Variants in GABRA3 observed in about 807,000 individuals in gnomAD.
GABRA3 encodes gamma-aminobutyric acid receptor subunit alpha-3.
GABRA3 carries 10 observed loss-of-function variants against 30.1 expected under a neutral mutation model. The ratio of observed to expected loss-of-function variants is 0.33; its 90% CI spans 0.20 to 0.56. The LOEUF (loss-of-function observed/expected upper bound fraction) is 0.56, where lower values mean the gene tolerates loss of function less well. GABRA3 is among the 20% of genes least tolerant of loss of function. The probability of loss-of-function intolerance (pLI) is 0.89; values close to 1 mark genes in which losing one functional copy is unlikely to be tolerated. For synonymous variants in GABRA3, 151 were observed against 146.8 expected (o/e 1.03, Z -0.21); for missense variants, 233 against 392.0 (o/e 0.59, Z 3.42).
chrX:152,291,500 T>C (rs1001970874), intron 3 of GABRA3, among the ~76,000 whole-genome samples: 1 of 111,776 alleles, frequency 8.9e-6, no homozygotes, highest in Non-Finnish European at 1.9e-5. Flanking sequence ...GAATACCCTT[T>C]ATTTATTTCT....
chrX:152,273,516 A>G (rs1024095295), intron 4 of GABRA3, among the ~76,000 whole-genome samples: 1 of 112,498 alleles, frequency 8.9e-6, no homozygotes, highest in Non-Finnish European at 1.9e-5. Context: ...TATTCACAAT[A>G]GCCAAAATAT....
chrX:152,272,134 T>G (rs76644615), intron 4 of GABRA3, among the ~76,000 whole-genome samples: 9,172 of 111,169 alleles, frequency 0.083, 822 homozygotes, highest in African/African-American at 0.26. Flanking sequence ...GCCAGCATCC[T>G]GCAGACCCCA....
chrX:152,323,023 T>G (rs1939993921), intron 3 of GABRA3, among the ~76,000 whole-genome samples: 1 of 108,307 alleles, frequency 9.2e-6, no homozygotes, highest in African/African-American at 3.4e-5. Context: ...CAGCTAATTT[T>G]TGTATTTTTA....
rs1220078154 is a variant in GABRA3, at chrX:152,289,349, GA to G, written c.263-4615del. On this transcript the variant is annotated intron_variant, in intron 3 of 9. Transcript: ENST00000370314. Reference sequence around the variant, plus strand: ...AAAGTCTGCTTTCTCTTCCCTTTAAGAAAAAAAAATATATATTTAAAAGCTT... The same window carrying G: ...AAAGTCTGCTTTCTCTTCCCTTTAAGAAAAAAAATATATATTTAAAAGCTT... Among the ~76,000 whole-genome samples the G allele has an allele frequency of 1.0e-4, 11 of 106,040 alleles. No individual in the cohort carries two copies. The South Asian group carries it at 2.5e-3, about 24-fold the overall frequency. The allele number at this position is 106,040 out of a possible 115,157, so 92.1% of individuals were successfully genotyped here.
At chrX:152,303,018 T>C (rs747712862) in intron 3 of GABRA3, among the ~76,000 whole-genome samples, 4 of 112,109 alleles carry the variant, frequency 3.6e-5, no homozygotes, top group Non-Finnish European at 5.6e-5. Context: ...TTTTCTATTG[T>C]GAATAGTGCT....
intron 1 of GABRA3, among the ~76,000 whole-genome samples, chrX:152,382,046 A>G (rs1267269599): frequency 8.9e-6 from 1 of 111,930 alleles, no homozygotes; most frequent in African/African-American, 3.2e-5. Flanking sequence ...AAGGGTTAAC[A>G]TCCAGAATCT....
intron 4 of GABRA3, among the ~76,000 whole-genome samples, chrX:152,276,210 G>A (rs1188193988): frequency 2.7e-5 from 3 of 111,508 alleles, no homozygotes; most frequent in Non-Finnish European, 5.6e-5. Context: ...TGATGCAGGT[G>A]GTGGCAAAGC....
chrX:152,433,242 C>T, intron 1 of GABRA3, among the ~76,000 whole-genome samples: 1 of 110,560 alleles, frequency 9.0e-6, no homozygotes, highest in Middle Eastern at 4.7e-3. Context: ...AAGACAAAGA[C>T]TGCCCCATGC....
At chrX:152,310,927 G>A (rs1315488659) in intron 3 of GABRA3, among the ~76,000 whole-genome samples, 6 of 110,949 alleles carry the variant, frequency 5.4e-5, no homozygotes, top group Non-Finnish European at 9.5e-5. Flanking sequence ...AGACTATTAC[G>A]AGCACCTCTA....
At chrX:152,354,204 C>A (rs1940517699) in intron 2 of GABRA3, among the ~76,000 whole-genome samples, 1 of 111,383 alleles carries the variant, frequency 9.0e-6, no homozygotes, top group South Asian at 3.7e-4. Flanking sequence ...GACTCTGGAA[C>A]CAAACTTTCT....
intron 3 of GABRA3, among the ~76,000 whole-genome samples, chrX:152,330,382 A>T (rs1472896279): frequency 1.8e-5 from 2 of 112,096 alleles, no homozygotes; most frequent in Non-Finnish European, 3.8e-5. Flanking sequence ...TCATGCTGCT[A>T]TAAAGACACA....
chrX:152,417,867 G>T (rs1226148693), intron 1 of GABRA3, among the ~76,000 whole-genome samples: 1 of 81,513 alleles, frequency 1.2e-5, no homozygotes, highest in Middle Eastern at 6.8e-3. Context: ...ACACTCCAGG[G>T]ACTGTTGTGG....
In GABRA3 at chrX:152,331,429, C is replaced by G. The variant is rs138629376; in HGVS notation, c.262+14152G>C. On this transcript the variant is annotated intron_variant, in intron 3 of 9. Transcript: ENST00000370314. ...GAGTTAACATTCTGTACCTCACTAA[C>G]CAGCTCATGGACATCTTATGATTTT... 2.3e-4 allele frequency among the ~76,000 whole-genome samples: 26 copies of G among 111,353 alleles called. No homozygotes were observed. The East Asian group carries it at 7.4e-3, about 32-fold the overall frequency.
chrX:152,385,654 T>C (rs1190146047), intron 1 of GABRA3, among the ~76,000 whole-genome samples: 1 of 111,877 alleles, frequency 8.9e-6, no homozygotes, highest in Non-Finnish European at 1.9e-5. Flanking sequence ...GTTTTAGACA[T>C]GAAGTCCTTG....
intron 3 of GABRA3, among the ~76,000 whole-genome samples, chrX:152,316,771 T>C (rs1238853612): frequency 8.9e-6 from 1 of 111,758 alleles, no homozygotes; most frequent in Non-Finnish European, 1.9e-5. Context: ...GCTTCATAAA[T>C]GAAGGAAAGA....
At chrX:152,346,629 C>T (rs781533820) in intron 2 of GABRA3, among the ~76,000 whole-genome samples, 1 of 111,927 alleles carries the variant, frequency 8.9e-6, no homozygotes, top group South Asian at 3.7e-4. Flanking sequence ...ATAAAGAGCT[C>T]AAACAACTCT....
At chrX:152,416,089 T>C (rs753219167) in intron 1 of GABRA3, among the ~76,000 whole-genome samples, 2 of 106,834 alleles carry the variant, frequency 1.9e-5, no homozygotes, top group East Asian at 5.9e-4. Flanking sequence ...ATTGTCCCTG[T>C]TTGCAGATGA....
At chrX:152,393,400 A>T (rs1481410022) in intron 1 of GABRA3, 1 of 370,586 alleles carries the variant, frequency 2.7e-6, no homozygotes, top group South Asian at 2.6e-5. Flanking sequence ...CACGATGCAT[A>T]AAACACTATT....
intron 3 of GABRA3, among the ~76,000 whole-genome samples, chrX:152,339,488 G>C (rs1197298653): frequency 9.0e-6 from 1 of 111,348 alleles, no homozygotes; most frequent in South Asian, 3.8e-4. Context: ...CAAAGTGCTG[G>C]GATCACAGAC....
Sources: allele counts gnomAD v4.1 joint callset (sites outside exome capture counted in the v4.1 genomes callset), GRCh38; gene constraint gnomAD v4.1.1; transcripts MANE v1.5; gene names NCBI Gene and HGNC (gene_info 2026-07-23, HGNC 2026-07-21).